The following AVEN variants were observed in gnomAD, a reference collection of about 807,000 sequenced individuals.
AVEN encodes apoptosis and caspase activation inhibitor.
Under a neutral mutation model 38.1 loss-of-function variants are expected in AVEN, and 41 were observed. The observed-to-expected ratio is 1.08, with a 90% CI of 0.84 to 1.40. The LOEUF (loss-of-function observed/expected upper bound fraction) is 1.40. Ranked by LOEUF, AVEN falls within the 40% of genes most tolerant of loss-of-function variation. AVEN has a pLI of 0.00. For missense variants in AVEN, 605 were observed against 438.8 expected, an observed-to-expected ratio of 1.38 and a Z score of -3.38; for synonymous variants, 206 against 171.8, an observed-to-expected ratio of 1.20 and a Z score of -1.56.
intron 1 of AVEN, among the ~76,000 whole-genome samples, chr15:34,018,768 C>A (rs1244292208): frequency 1.3e-5 from 2 of 152,208 alleles, no homozygotes; most frequent in African/African-American, 4.8e-5. Context: ...TTACAGAGTG[C>A]TAATTGGTCC....
chr15:34,005,616 A>G (rs1420341550), intron 1 of AVEN, among the ~76,000 whole-genome samples: 1 of 152,202 alleles, frequency 6.6e-6, no homozygotes, highest in African/African-American at 2.4e-5. Context: ...GGGTTTGGAT[A>G]ATGAAGTCTG....
intron 1 of AVEN, among the ~76,000 whole-genome samples, chr15:34,020,335 G>A (rs1898151754): frequency 6.6e-6 from 1 of 151,990 alleles, no homozygotes; most frequent in Non-Finnish European, 1.5e-5. Context: ...AAAAAATAGA[G>A]GTTTTAAAAG....
downstream of AVEN, chr15:33,861,295 C>A: frequency 1.5e-6 from 1 of 664,214 alleles, no homozygotes; most frequent in Non-Finnish European, 2.6e-6. Flanking sequence ...TCCAGGAGTC[C>A]CCATGAGCCT....
At chr15:33,954,974 A>C (rs1406542961) in intron 2 of AVEN, among the ~76,000 whole-genome samples, 1 of 152,198 alleles carries the variant, frequency 6.6e-6, no homozygotes, top group Non-Finnish European at 1.5e-5. Flanking sequence ...ACAGCTTTGC[A>C]CTGGAGTGAG....
chr15:33,859,839 C>T (rs918300994), intron 11 of AVEN: 11 of 1,234,180 alleles, frequency 8.9e-6, no homozygotes, highest in Middle Eastern at 5.5e-4. Flanking sequence ...AATTCATTTA[C>T]TTGTTAATTT....
chr15:33,867,854 C>T lies in AVEN; in HGVS notation c.614G>A (p.Gly205Asp). 1.3e-6 allele frequency: 2 copies of T among 1,562,970 alleles called. No individual in the cohort carries two copies. Among genetic ancestry groups the T allele is most frequent in the Non-Finnish European group, 1.7e-6 (2 of 1,160,206 alleles). ...RLNVAAELVQGTVPLEVPQVK... is the reference protein window; with the variant it reads ...RLNVAAELVQDTVPLEVPQVK... ...CTGAGGAACCTCTAAAGGAACTGTA[C>T]CCTGAAAGAGAAGTATAAAAACTGA... The change falls in exon 5 of 6, where the codon GGT (glycine) becomes GAT (aspartate). Residue 205 changes from glycine (G) to aspartate (D), a missense_variant and splice_region_variant. Physicochemically the swap from Gly to Asp is moderately conservative, Grantham distance 94. Transcript: ENST00000306730.
At chr15:34,028,058 T>C (rs575245557) in intron 1 of AVEN, among the ~76,000 whole-genome samples, 43 of 152,238 alleles carry the variant, frequency 2.8e-4, no homozygotes, top group African/African-American at 9.6e-4. Flanking sequence ...GTAAATTTCC[T>C]AGCAGAGCAC....
intron 2 of AVEN, among the ~76,000 whole-genome samples, chr15:33,966,714 G>A (rs968905204): frequency 6.6e-6 from 1 of 152,116 alleles, no homozygotes; most frequent in African/African-American, 2.4e-5. Context: ...TTCGACAGGT[G>A]AGGGTGTGGC....
intron 2 of AVEN, among the ~76,000 whole-genome samples, chr15:33,938,854 G>A (rs1043373437): frequency 1.3e-5 from 2 of 152,026 alleles, no homozygotes; most frequent in South Asian, 2.1e-4. Flanking sequence ...GTGGGGGATT[G>A]GCGGGGGGCA....
intron 4 of AVEN, among the ~76,000 whole-genome samples, chr15:33,868,414 G>A (rs550146078): frequency 2.0e-5 from 3 of 151,830 alleles, no homozygotes; most frequent in Non-Finnish European, 4.4e-5. Context: ...AGGAGTGGTG[G>A]AGAGTGTCTA....
rs77879249 is a variant in AVEN at position 33,910,665 on chromosome 15, T to C, written c.446-34670A>G. Reference sequence around the variant, plus strand: ...ACCCAATGGGCATTACTCATGATGCTAGAAGGAGATCTGTCTAATGGGACA... The same window carrying C: ...ACCCAATGGGCATTACTCATGATGCCAGAAGGAGATCTGTCTAATGGGACA... On this transcript the variant is annotated intron_variant, in intron 2 of 5. Coordinates refer to ENST00000306730, the MANE Select transcript of AVEN (RefSeq NM_020371.3). 7.0e-4 allele frequency among the ~76,000 whole-genome samples: 107 copies of C among 152,312 alleles called. 1 individual carries two copies. The East Asian group carries it at 0.017, about 25-fold the overall frequency.
chr15:34,056,123 C>T (rs1050351318), intron 5 of AVEN, among the ~76,000 whole-genome samples: 1 of 152,168 alleles, frequency 6.6e-6, no homozygotes. Flanking sequence ...TAAGTAACTG[C>T]CGTTTCCCTA....
chr15:33,870,288 T>G (rs575840512), intron 4 of AVEN, among the ~76,000 whole-genome samples: 1 of 152,298 alleles, frequency 6.6e-6, no homozygotes, highest in South Asian at 2.1e-4. Context: ...CATGTGTATG[T>G]GCACATGCAG....
chr15:33,981,055 T>C (rs1372578607), intron 2 of AVEN, among the ~76,000 whole-genome samples: 1 of 149,578 alleles, frequency 6.7e-6, no homozygotes, highest in East Asian at 2.0e-4. Context: ...AGTTTTTATA[T>C]AAACATACAA....
At chr15:33,862,502 G>A (rs1236917380), downstream of AVEN, among the ~76,000 whole-genome samples, 4 of 152,178 alleles carry the variant, frequency 2.6e-5, no homozygotes, top group African/African-American at 9.7e-5. Flanking sequence ...CCACTGGGCT[G>A]AGCCCTCATC....
chr15:33,944,015 T>G (rs1056621644), intron 2 of AVEN, among the ~76,000 whole-genome samples: 3 of 152,078 alleles, frequency 2.0e-5, no homozygotes, highest in African/African-American at 7.2e-5. Flanking sequence ...ATTACACGCA[T>G]GAACCACCAC....
intron 1 of AVEN, among the ~76,000 whole-genome samples, chr15:34,033,856 C>T (rs942119358): frequency 6.6e-6 from 1 of 152,084 alleles, no homozygotes; most frequent in East Asian, 1.9e-4. Context: ...GGCGCAATTT[C>T]GGCTCACTGC....
intron 1 of AVEN, among the ~76,000 whole-genome samples, chr15:34,022,496 C>T (rs2140721959): frequency 6.6e-6 from 1 of 152,284 alleles, no homozygotes; most frequent in Non-Finnish European, 1.5e-5. Flanking sequence ...TTTCTCAAAG[C>T]TCCCCATCCA....
At chr15:34,039,625 A>C (rs1899380154), upstream of AVEN, among the ~76,000 whole-genome samples, 1 of 152,180 alleles carries the variant, frequency 6.6e-6, no homozygotes. Flanking sequence ...GTGTCTGGTG[A>C]GAGGTGGACT....
Sources: allele counts gnomAD v4.1 joint callset (sites outside exome capture counted in the v4.1 genomes callset), GRCh38; gene constraint gnomAD v4.1.1; transcripts MANE v1.5; gene names NCBI Gene and HGNC (gene_info 2026-07-23, HGNC 2026-07-21).